Variants in EPHA6 observed in about 807,000 individuals in gnomAD.
EPHA6 encodes EPH receptor A6.
EPHA6 carries 50 observed loss-of-function variants against 112.0 expected under a neutral mutation model. The ratio of observed to expected loss-of-function variants is 0.45; its 90% confidence interval spans 0.36 to 0.56. EPHA6 has a LOEUF of 0.56. Among genes scored for constraint, EPHA6 ranks in the 20% least tolerant of loss-of-function variants. EPHA6 has a pLI of 0.00. For missense variants in EPHA6, 1,280 were observed against 1,417.4 expected, an observed-to-expected ratio of 0.90 and a Z score of 1.56; for synonymous variants, 529 against 490.7, an observed-to-expected ratio of 1.08 and a Z score of -1.03.
intron 5 of EPHA6, among the ~76,000 whole-genome samples, chr3:97,247,558 T>C (rs952427254): frequency 6.6e-6 from 1 of 151,832 alleles, no homozygotes; most frequent in African/African-American, 2.4e-5. Context: ...TTAGGTAAAA[T>C]GAGGCTGATA....
Position 97,736,979 on chromosome 3 carries a change from G to T in EPHA6, c.3128+861G>T, listed in dbSNP as rs552151017. 7.2e-5 allele frequency among the ~76,000 whole-genome samples: 11 copies of T among 152,136 alleles called. No individual in the cohort carries two copies. The South Asian group carries it at 2.3e-3, about 32-fold the overall frequency. On this transcript the variant is annotated intron_variant, in intron 16 of 17. Transcript: ENST00000389672. ...AGATCACAGGTTCAAGCCAGTGCAG[G>T]TTTTTAGTGACAGTAAGGCCGAGGC...
chr3:97,584,359 C>T (rs1429343508), intron 11 of EPHA6, among the ~76,000 whole-genome samples: 1 of 152,142 alleles, frequency 6.6e-6, no homozygotes, highest in African/African-American at 2.4e-5. Flanking sequence ...CAGCTGGCAG[C>T]CCACAGGCTA....
At chr3:97,198,941 C>G (rs1047149446) in intron 3 of EPHA6, among the ~76,000 whole-genome samples, 4 of 152,088 alleles carry the variant, frequency 2.6e-5, no homozygotes, top group African/African-American at 4.8e-5. Context: ...TTGACATGCT[C>G]TCATGGCATT....
chr3:97,270,677 T>C (rs1194531083), intron 5 of EPHA6, among the ~76,000 whole-genome samples: 2 of 152,240 alleles, frequency 1.3e-5, no homozygotes, highest in African/African-American at 4.8e-5. Context: ...GCATCAAGAC[T>C]GACTGCTTTT....
intron 3 of EPHA6, among the ~76,000 whole-genome samples, chr3:97,042,077 G>A (rs548499360): frequency 3.5e-4 from 53 of 152,182 alleles, no homozygotes; most frequent in African/African-American, 1.0e-3. Flanking sequence ...CATTCCTGAG[G>A]TAGTGTGTGA....
At chr3:97,191,057 A>G (rs897499629) in intron 3 of EPHA6, among the ~76,000 whole-genome samples, 2 of 152,066 alleles carry the variant, frequency 1.3e-5, no homozygotes, top group Non-Finnish European at 2.9e-5. Context: ...AGCCTCTGGT[A>G]ACTGCCATTG....
intron 14 of EPHA6, among the ~76,000 whole-genome samples, chr3:97,714,478 A>G (rs2034126144): frequency 6.6e-6 from 1 of 152,222 alleles, no homozygotes; most frequent in African/African-American, 2.4e-5. Flanking sequence ...GTAAATCTCA[A>G]TAAAGGAGGA....
At chr3:97,327,305 T>G (rs577956182) in intron 5 of EPHA6, among the ~76,000 whole-genome samples, 24 of 152,200 alleles carry the variant, frequency 1.6e-4, no homozygotes, top group Non-Finnish European at 3.2e-4. Flanking sequence ...TGATTGTAGA[T>G]TCACATGCAA....
chr3:97,352,770 C>T (rs1318893502), intron 5 of EPHA6, among the ~76,000 whole-genome samples: 1 of 152,064 alleles, frequency 6.6e-6, no homozygotes, highest in Non-Finnish European at 1.5e-5. Context: ...GGCTAGGAGC[C>T]AGTGGACTTG....
At chr3:97,114,321 A>T (rs1300274742) in intron 3 of EPHA6, among the ~76,000 whole-genome samples, 1 of 152,158 alleles carries the variant, frequency 6.6e-6, no homozygotes, top group Non-Finnish European at 1.5e-5. Context: ...TATAAATTGT[A>T]ATAATTTCTT....
At chr3:97,427,208 A>AC (rs1394715056) in intron 6 of EPHA6, among the ~76,000 whole-genome samples, 1 of 152,218 alleles carries the variant, frequency 6.6e-6, no homozygotes, top group African/African-American at 2.4e-5. Flanking sequence ...CCAAAGGAAT[A>AC]TATGTCATTC....
chr3:96,955,586 G>A (rs909849989), intron 2 of EPHA6, among the ~76,000 whole-genome samples: 2 of 152,006 alleles, frequency 1.3e-5, no homozygotes, highest in Non-Finnish European at 2.9e-5. Context: ...AAGACTAATG[G>A]CAAAAAATAT....
chr3:96,907,177 T>C (rs1261955404), intron 2 of EPHA6, among the ~76,000 whole-genome samples: 7 of 151,966 alleles, frequency 4.6e-5, no homozygotes, highest in African/African-American at 1.7e-4. Context: ...TTAAGTTGTG[T>C]TTAGCACTTT....
chr3:97,014,209 C>T (rs1373776339), intron 3 of EPHA6, among the ~76,000 whole-genome samples: 1 of 152,062 alleles, frequency 6.6e-6, no homozygotes, highest in East Asian at 1.9e-4. Context: ...ATATCCAACT[C>T]ATTCATTCTA....
At chr3:96,927,430 T>C (rs564829811) in intron 2 of EPHA6, among the ~76,000 whole-genome samples, 41 of 152,366 alleles carry the variant, frequency 2.7e-4, no homozygotes, top group Non-Finnish European at 4.1e-4. Context: ...TGGGTTTTTC[T>C]TTTCTATCAC....
chr3:97,306,829 T>C (rs550802061), intron 5 of EPHA6, among the ~76,000 whole-genome samples: 15 of 151,796 alleles, frequency 9.9e-5, no homozygotes, highest in African/African-American at 2.9e-4. Context: ...CTACCAGTTA[T>C]GTAAAAAAAA....
At chr3:96,951,174 T>G (rs1338817684) in intron 2 of EPHA6, among the ~76,000 whole-genome samples, 1 of 152,124 alleles carries the variant, frequency 6.6e-6, no homozygotes, top group African/African-American at 2.4e-5. Flanking sequence ...TCAGTAATAT[T>G]CTGCCAACCA....
At chr3:97,414,093 C>G (rs1330880442) in intron 6 of EPHA6, among the ~76,000 whole-genome samples, 2 of 151,970 alleles carry the variant, frequency 1.3e-5, no homozygotes, top group African/African-American at 2.4e-5. Flanking sequence ...ACTTCTGATA[C>G]TCTACTGCTA....
chr3:97,533,352 C>T (rs2092716927), intron 11 of EPHA6, among the ~76,000 whole-genome samples: 1 of 151,898 alleles, frequency 6.6e-6, no homozygotes, highest in Admixed American at 6.6e-5. Context: ...AACTTTATGT[C>T]ATATTTGGAA....
Sources: gnomAD v4.1 joint callset for allele counts (sites outside exome capture counted in the v4.1 genomes callset) on GRCh38, gnomAD v4.1.1 for gene constraint, MANE v1.5 for transcripts, NCBI Gene and HGNC (gene_info 2026-07-23, HGNC 2026-07-21) for gene names.